Variants in UNC79 observed in about 807,000 individuals in gnomAD.
UNC79 encodes the protein protein unc-79 homolog.
A neutral mutation model predicts 283.1 loss-of-function variants in UNC79; 37 were observed. The observed-to-expected ratio is 0.13, with a 90% CI of 0.10 to 0.17. The LOEUF is 0.17. Among genes scored for constraint, UNC79 ranks in the 10% least tolerant of loss-of-function variants. The pLI is 1.00. For missense variants in UNC79, 2,272 were observed against 3,211.1 expected (o/e 0.71, Z 7.07); for synonymous variants, 1,107 against 1,200.2 (o/e 0.92, Z 1.61).
chr14:93,657,783 A>G (rs1289889969), intron 38 of UNC79, among the ~76,000 whole-genome samples: 8 of 152,186 alleles, frequency 5.3e-5, no homozygotes, highest in Admixed American at 1.3e-4. Flanking sequence ...ACCTGCCCAT[A>G]GGGACCCTGC....
At chr14:93,349,595 TTC>T (rs2053942394) in intron 1 of UNC79, among the ~76,000 whole-genome samples, 1 of 152,194 alleles carries the variant, frequency 6.6e-6, no homozygotes, top group Non-Finnish European at 1.5e-5. Flanking sequence ...CTCCTCTACA[TTC>T]TGTTTGCTTA....
At chr14:93,389,614 C>G (rs928438375) in intron 1 of UNC79, among the ~76,000 whole-genome samples, 8 of 150,762 alleles carry the variant, frequency 5.3e-5, no homozygotes, top group African/African-American at 2.0e-4. Context: ...GAAGCACCAA[C>G]CTAATACAAA....
exon 19 of UNC79, chr14:93,580,253 C>T: frequency 1.9e-6 from 3 of 1,614,126 alleles, no homozygotes; most frequent in South Asian, 1.1e-5. Context: ...GGGGGGGATC[C>T]CACACCTGCC....
chr14:93,374,337 G>A (rs894681752), intron 1 of UNC79, among the ~76,000 whole-genome samples: 1 of 152,166 alleles, frequency 6.6e-6, no homozygotes, highest in African/African-American at 2.4e-5. Flanking sequence ...GGCATTGGGG[G>A]CTCAACCTTG....
intron 17 of UNC79, among the ~76,000 whole-genome samples, chr14:93,576,717 G>T (rs2063496775): frequency 6.6e-6 from 1 of 152,152 alleles, no homozygotes; most frequent in South Asian, 2.1e-4. Flanking sequence ...GAAACTGTAA[G>T]AAAGGGCTGG....
intron 31 of UNC79, among the ~76,000 whole-genome samples, chr14:93,636,315 C>T (rs2068504289): frequency 6.6e-6 from 1 of 152,104 alleles, no homozygotes; most frequent in South Asian, 2.1e-4. Flanking sequence ...GCCTGTTTTC[C>T]ATCCTCCAAA....
intron 40 of UNC79, among the ~76,000 whole-genome samples, chr14:93,666,373 A>G (rs148235848): frequency 6.6e-6 from 1 of 152,250 alleles, no homozygotes; most frequent in Non-Finnish European, 1.5e-5. Context: ...ACTTTTAAAA[A>G]TTAATCTACA....
intron 14 of UNC79, among the ~76,000 whole-genome samples, chr14:93,566,271 T>C (rs566830749): frequency 3.3e-5 from 5 of 152,266 alleles, no homozygotes; most frequent in African/African-American, 1.2e-4. Context: ...GAAATTGACA[T>C]GGGGCCAAGT....
chr14:93,367,657 G>A (rs2054363013), intron 1 of UNC79, among the ~76,000 whole-genome samples: 1 of 151,910 alleles, frequency 6.6e-6, no homozygotes, highest in African/African-American at 2.4e-5. Flanking sequence ...ACATAAGAGG[G>A]TAGGAATAAA....
intron 5 of UNC79, among the ~76,000 whole-genome samples, chr14:93,492,221 TGTAGTACATAGGA>T (rs1329372737): frequency 2.0e-5 from 3 of 152,340 alleles, no homozygotes; most frequent in Middle Eastern, 3.4e-3. Context: ...AACAATGTAA[TGTAGTACATAGGA>T]GTACTAAATA....
intron 16 of UNC79, among the ~76,000 whole-genome samples, chr14:93,573,103 G>A (rs1305956464): frequency 6.6e-6 from 1 of 152,160 alleles, no homozygotes; most frequent in Non-Finnish European, 1.5e-5. Flanking sequence ...AAGTACAATA[G>A]CTGTCTTGTG....
intron 1 of UNC79, among the ~76,000 whole-genome samples, chr14:93,403,088 TC>T (rs1222217031): frequency 2.6e-5 from 4 of 152,218 alleles, no homozygotes; most frequent in Non-Finnish European, 5.9e-5. Flanking sequence ...GGTTGCATTC[TC>T]TTGAGTCTTT....
rs376987853 is a variant in UNC79, at chr14:93,378,517, A to G, written c.-351+44994A>G. 3.9e-5 allele frequency among the ~76,000 whole-genome samples: 6 copies of G among 152,302 alleles called. No individual in the cohort carries two copies. In the East Asian group the frequency reaches 1.2e-3, roughly 29 times the overall value. On this transcript the variant is annotated intron_variant, in intron 1 of 49. Coordinates refer to the UNC79 transcript ENST00000256339. ...TTCAGATTTTGGAATATCACCATATACATAATGAGATATCTTGGAGATAGG... is the reference window on the plus strand; with the variant it reads ...TTCAGATTTTGGAATATCACCATATGCATAATGAGATATCTTGGAGATAGG...
chr14:93,357,854 G>GAT (rs377568173), intron 1 of UNC79, among the ~76,000 whole-genome samples: 4 of 47,288 alleles, frequency 8.5e-5, no homozygotes, highest in Non-Finnish European at 1.0e-4. Flanking sequence ...TGGATATATG[G>GAT]ATATATATAT....
chr14:93,626,589 A>G (rs914306747), intron 30 of UNC79, among the ~76,000 whole-genome samples: 4 of 152,190 alleles, frequency 2.6e-5, no homozygotes, highest in African/African-American at 9.7e-5. Context: ...GTAGCAAAAC[A>G]TTTTGGAAGA....
intron 8 of UNC79, 49 bp downstream of exon 8, chr14:93,524,091 T>C: frequency 6.2e-7 from 1 of 1,601,240 alleles, no homozygotes; most frequent in African/African-American, 1.3e-5. Flanking sequence ...AGTGGTCAAA[T>C]TGCTGAATGA....
intron 41 of UNC79, among the ~76,000 whole-genome samples, chr14:93,678,657 T>G (rs1429000420): frequency 1.3e-5 from 2 of 152,262 alleles, no homozygotes; most frequent in Non-Finnish European, 2.9e-5. Flanking sequence ...AAGTTCTCCC[T>G]GGAGGCCTGG....
intron 41 of UNC79, among the ~76,000 whole-genome samples, chr14:93,677,714 A>G (rs773023910): frequency 3.9e-5 from 6 of 151,968 alleles, no homozygotes; most frequent in African/African-American, 1.2e-4. Flanking sequence ...CAATGGTGCA[A>G]TCTCAGCTCA....
chr14:93,355,992 A>C (rs916054442), intron 1 of UNC79, among the ~76,000 whole-genome samples: 22 of 150,344 alleles, frequency 1.5e-4, no homozygotes, highest in Admixed American at 1.3e-3. Flanking sequence ...TCTTATTACA[A>C]GTGTAGTCTC....
Sources: gnomAD v4.1 joint callset for allele counts (sites outside exome capture counted in the v4.1 genomes callset) on GRCh38, gnomAD v4.1.1 for gene constraint, MANE v1.5 for transcripts, NCBI Gene and HGNC (gene_info 2026-07-23, HGNC 2026-07-21) for gene names.